Variants in DCLK1 observed in about 807,000 individuals in gnomAD.
The protein encoded by DCLK1 is doublecortin like kinase 1.
DCLK1 carries 16 observed loss-of-function variants against 86.2 expected under a neutral mutation model. The observed-to-expected ratio is 0.19, with a 90% CI of 0.13 to 0.28. The LOEUF is 0.28. Ranked by LOEUF, DCLK1 falls within the 10% of genes least tolerant of loss-of-function variation. The probability of loss-of-function intolerance (pLI) is 1.00; values close to 1 mark genes in which losing one functional copy is unlikely to be tolerated. For synonymous variants in DCLK1, 369 were observed against 370.5 expected, an observed-to-expected ratio of 1.00 and a Z score of 0.05; for missense variants, 590 against 940.2, an observed-to-expected ratio of 0.63 and a Z score of 4.87.
At chr13:36,057,568 T>C (rs1883383700) in intron 3 of DCLK1, among the ~76,000 whole-genome samples, 1 of 152,202 alleles carries the variant, frequency 6.6e-6, no homozygotes, top group African/African-American at 2.4e-5. Context: ...TTGTTAATAA[T>C]ACCATTTAAA....
intron 3 of DCLK1, among the ~76,000 whole-genome samples, chr13:36,019,008 T>C (rs764294462): frequency 5.9e-5 from 9 of 152,184 alleles, no homozygotes; most frequent in Non-Finnish European, 1.2e-4. Flanking sequence ...GGATCTCAAA[T>C]TTATCTTGAG....
At chr13:35,904,732 A>G (rs570357489) in intron 4 of DCLK1, among the ~76,000 whole-genome samples, 2 of 152,322 alleles carry the variant, frequency 1.3e-5, no homozygotes, top group South Asian at 4.1e-4. Context: ...AGACCAAGCA[A>G]AGTGGGAAGC....
At chr13:35,834,101 G>A (rs540050064) in intron 8 of DCLK1, among the ~76,000 whole-genome samples, 2 of 152,300 alleles carry the variant, frequency 1.3e-5, no homozygotes, top group South Asian at 4.1e-4. Flanking sequence ...ACAGATGATA[G>A]ATGCTGGCAA....
chr13:35,935,267 T>C (rs2153130065), intron 4 of DCLK1, among the ~76,000 whole-genome samples: 1 of 152,290 alleles, frequency 6.6e-6, no homozygotes, highest in Admixed American at 6.5e-5. Flanking sequence ...TAGAATAGCA[T>C]GCCAAGGAGT....
intron 3 of DCLK1, among the ~76,000 whole-genome samples, chr13:36,033,325 CT>C (rs548187577): frequency 2.0e-5 from 3 of 152,162 alleles, no homozygotes; most frequent in Non-Finnish European, 4.4e-5. Context: ...GAGGACATTT[CT>C]AGCTATCTGA....
chr13:36,008,128 T>C (rs1657864812), intron 3 of DCLK1, among the ~76,000 whole-genome samples: 1 of 145,148 alleles, frequency 6.9e-6, no homozygotes. Flanking sequence ...AACACTGAAC[T>C]TCTCTCTAAA....
intron 5 of DCLK1, among the ~76,000 whole-genome samples, chr13:35,861,027 T>A (rs1335342739): frequency 6.6e-6 from 1 of 151,886 alleles, no homozygotes; most frequent in Non-Finnish European, 1.5e-5. Flanking sequence ...GGGACATGAG[T>A]GGAAAGGAAG....
chr13:35,951,724 CGA>C (rs1877704501), intron 3 of DCLK1, among the ~76,000 whole-genome samples: 1 of 151,952 alleles, frequency 6.6e-6, no homozygotes, highest in Non-Finnish European at 1.5e-5. Flanking sequence ...GTAATTCAGC[CGA>C]GAGTGACTTA....
At chr13:35,956,765 C>T (rs9601761) in intron 3 of DCLK1, among the ~76,000 whole-genome samples, 2,053 of 36,814 alleles carry the variant, frequency 0.056, 46 homozygotes, top group African/African-American at 0.16. Flanking sequence ...ATCATAAATG[C>T]CCTGTCCAAA....
chr13:36,071,076 C>A (rs1290641612), intron 3 of DCLK1, among the ~76,000 whole-genome samples: 2 of 152,010 alleles, frequency 1.3e-5, no homozygotes, highest in Non-Finnish European at 2.9e-5. Context: ...TATATAATTG[C>A]ATAATAGAAT....
chr13:36,100,722 C>T (rs9531436), intron 3 of DCLK1, among the ~76,000 whole-genome samples: 11,322 of 152,182 alleles, frequency 0.074, 701 homozygotes, highest in African/African-American at 0.17. Context: ...TGGGCAGCCC[C>T]TGCCAGCTGC....
At chr13:35,967,233 G>A (rs545579964) in intron 3 of DCLK1, among the ~76,000 whole-genome samples, 52 of 143,254 alleles carry the variant, frequency 3.6e-4, no homozygotes, top group Non-Finnish European at 4.7e-4. Context: ...CCCGGCCGCC[G>A]CCCCGTCTGG....
intron 3 of DCLK1, among the ~76,000 whole-genome samples, chr13:36,100,477 A>C (rs1379557309): frequency 2.6e-5 from 4 of 152,318 alleles, no homozygotes; most frequent in Admixed American, 6.5e-5. Flanking sequence ...TGGCCTGAGA[A>C]ATATGTCAGT....
At chr13:35,838,752 G>A (rs539681432) in intron 7 of DCLK1, among the ~76,000 whole-genome samples, 30 of 152,280 alleles carry the variant, frequency 2.0e-4, no homozygotes, top group Non-Finnish European at 2.1e-4. Context: ...TTCACTTAAA[G>A]TAACACTAAA....
intron 3 of DCLK1, among the ~76,000 whole-genome samples, chr13:36,104,330 A>AG (rs940419292): frequency 1.3e-5 from 2 of 152,190 alleles, no homozygotes; most frequent in Non-Finnish European, 2.9e-5. Flanking sequence ...CAAGCTCTGG[A>AG]GACTCAAAGG....
intron 3 of DCLK1, among the ~76,000 whole-genome samples, chr13:35,997,572 G>A (rs975114312): frequency 2.2e-4 from 34 of 152,338 alleles, no homozygotes; most frequent in Non-Finnish European, 2.5e-4. Flanking sequence ...ATGAGGTGGT[G>A]TTGGCCTGAT....
intron 3 of DCLK1, among the ~76,000 whole-genome samples, chr13:35,958,095 ACCG>A (rs1384253214): frequency 5.5e-5 from 8 of 145,950 alleles, no homozygotes; most frequent in African/African-American, 8.0e-5. Flanking sequence ...AACCATCACC[ACCG>A]CTATAACCAC....
intron 3 of DCLK1, among the ~76,000 whole-genome samples, chr13:36,089,621 T>C (rs924840353): frequency 1.3e-5 from 2 of 152,220 alleles, no homozygotes; most frequent in African/African-American, 4.8e-5. Flanking sequence ...TCTTCTTTTT[T>C]CTTTGCACCA....
intron 3 of DCLK1, among the ~76,000 whole-genome samples, chr13:35,964,606 A>G (rs190928469): frequency 6.6e-5 from 10 of 152,334 alleles, no homozygotes; most frequent in Admixed American, 5.9e-4. Flanking sequence ...TTGCTAGAAC[A>G]TACTTTTTAT....
Sources: allele counts gnomAD v4.1 joint callset (sites outside exome capture counted in the v4.1 genomes callset), GRCh38; gene constraint gnomAD v4.1.1; transcripts MANE v1.5; gene names NCBI Gene and HGNC (gene_info 2026-07-23, HGNC 2026-07-21).